CDK2: variants seen among roughly 807,000 people sequenced by gnomAD.
CDK2 encodes cyclin-dependent kinase 2.
A neutral mutation model predicts 35.0 loss-of-function variants in CDK2; 8 were observed. The ratio of observed to expected loss-of-function variants is 0.23; its 90% CI spans 0.13 to 0.41. The LOEUF (loss-of-function observed/expected upper bound fraction) is 0.41. Ranked by LOEUF, CDK2 falls within the 10% of genes least tolerant of loss-of-function variation. The pLI, the probability that CDK2 is intolerant of heterozygous loss-of-function variation, is 1.00. For missense variants in CDK2, 201 were observed against 367.1 expected (o/e 0.55, Z 3.70); for synonymous variants, 134 against 137.7 (o/e 0.97, Z 0.19).
intron 2 of CDK2, 36 bp from the exon 3 acceptor site, chr12:55,968,013 C>T (rs369071236): frequency 2.2e-5 from 36 of 1,613,860 alleles, no homozygotes; most frequent in Non-Finnish European, 3.0e-5. Context: ...TTCTCTCTCT[C>T]ACACACCTCC....
chr12:55,971,244 A>G lies in CDK2; in HGVS notation c.789A>G (p.Leu263=), dbSNP rs1207100180. 1.1e-5 allele frequency: 17 copies of G among 1,613,804 alleles called. No individual in the cohort carries two copies. Among genetic ancestry groups the G allele is most frequent in the Non-Finnish European group, 1.4e-5 (16 of 1,179,878 alleles). ...TGGATGAAGATGGACGGAGCTTGTT[A>G]TCGGTGAGAGTGGGCACCTGTTTTC... ...PPLDEDGRSL[L]SQMLHYDPNK... The change falls in exon 6 of 7, where the codon TTA becomes TTG. Residue 263 remains leucine (L), a synonymous_variant. Coordinates refer to ENST00000266970, the MANE Select transcript of CDK2 (RefSeq NM_001798.5).
Position 55,971,692 on chromosome 12 carries a change from C to CA in CDK2, c.*67_*68insA. On this transcript the variant is annotated 3_prime_UTR_variant, in exon 7 of 7. Transcript: ENST00000266970. ...CCAGTGTGGGCTTGACCAGGCTTGG[C>CA]CTTGGGCTATTTGGACTCAGGTGGG... 8.0e-7 allele frequency: 1 copy of CA among 1,252,348 alleles called. No individual in the cohort carries two copies. The highest frequency in any genetic ancestry group is 1.9e-4 in the Middle Eastern group (1 of 5,318). The allele number at this position is 1,252,348 out of a possible 1,614,324, so 77.6% of individuals were successfully genotyped here. A position where few individuals can be genotyped will look rare whatever the true frequency, so the allele number is the denominator to read the frequency against.
At chr12:55,968,455 C>T (rs2136458486) in intron 3 of CDK2, 2 of 480,736 alleles carry the variant, frequency 4.2e-6, no homozygotes, top group East Asian at 6.8e-5. Flanking sequence ...GTAAATTCCT[C>T]CAAAAAGCCC....
chr12:55,966,917 C>T lies in CDK2; in HGVS notation c.-92C>T. The T allele has an allele frequency of 9.2e-7, 1 of 1,090,512 alleles. No homozygotes were observed. Among genetic ancestry groups the T allele is most frequent in the Non-Finnish European group, 1.4e-6 (1 of 739,882 alleles). The allele number at this position is 1,090,512 out of a possible 1,614,324, so 67.6% of individuals were successfully genotyped here. A position where few individuals can be genotyped will look rare whatever the true frequency, so the allele number is the denominator to read the frequency against. ...GGCCACGGTACTGGGCCCTGTTTCCCCCTCCTCGGCCCCCGAGAGCCAGGG... is the reference window on the plus strand; with the variant it reads ...GGCCACGGTACTGGGCCCTGTTTCCTCCTCCTCGGCCCCCGAGAGCCAGGG... On this transcript the variant is annotated 5_prime_UTR_variant, in exon 1 of 7. Coordinates refer to ENST00000266970, the MANE Select transcript of CDK2 (RefSeq NM_001798.5).
Position 55,966,955 on chromosome 12 carries a change from A to C in CDK2, c.-54A>C. 7.1e-7 allele frequency: 1 copy of C among 1,405,304 alleles called. No individual in the cohort carries two copies. Among genetic ancestry groups the C allele is most frequent in the Non-Finnish European group, 9.9e-7 (1 of 1,010,320 alleles). 87.1% of individuals were successfully genotyped at this position (1,405,304 alleles called of 1,614,324 possible). A position where few individuals can be genotyped will look rare whatever the true frequency, so the allele number is the denominator to read the frequency against. On this transcript the variant is annotated 5_prime_UTR_variant, in exon 1 of 7. Transcript: ENST00000266970. ...CCGAGAGCCAGGGTCCGCCTTCTGC[A>C]GGGTTCCCAGGCCCCCGCTCCAGGG...
rs1477638252 is a variant in CDK2 at position 55,972,659 on chromosome 12, G to A, written c.*1034G>A. 7.6e-6 allele frequency: 1 copy of A among 131,610 alleles called. No homozygotes were observed. The highest frequency in any genetic ancestry group is 1.6e-5 in the Non-Finnish European group (1 of 61,450). 8.2% of individuals were successfully genotyped at this position (131,610 alleles called of 1,614,324 possible). ...CACCTTGGGGTTTTGTAATGACAGT[G>A]CTAAAAAAAAAAAGCATTTTTTTTT... On this transcript the variant is annotated 3_prime_UTR_variant, in exon 7 of 7. Transcript: ENST00000266970.
intron 1 of CDK2, 184 bp from the exon 2 acceptor site, chr12:55,967,673 C>T (rs748878509): frequency 3.3e-6 from 2 of 603,766 alleles, no homozygotes; most frequent in Non-Finnish European, 5.9e-6. Context: ...AGATAATGGC[C>T]TTAATATATC....
intron 3 of CDK2, 64 bp from the exon 4 acceptor site, chr12:55,968,714 A>G (rs1216417722): frequency 9.0e-6 from 12 of 1,337,400 alleles, no homozygotes; most frequent in Non-Finnish European, 1.1e-5. Flanking sequence ...TTTTAGGGGC[A>G]CAGAGCAAAC....
intron 5 of CDK2, 48 bp from the exon 6 acceptor site, chr12:55,970,996 G>T: frequency 1.3e-6 from 2 of 1,540,204 alleles, no homozygotes; most frequent in South Asian, 2.2e-5. Flanking sequence ...GGAGAGTTTT[G>T]ACTGACGTCA....
chr12:55,967,495 C>A (rs1358710491), intron 1 of CDK2: 2 of 427,490 alleles, frequency 4.7e-6, no homozygotes, highest in Non-Finnish European at 8.5e-6. Flanking sequence ...CTCTTCACTG[C>A]CCCACCCTCA....
At chr12:55,967,498 C>T in intron 1 of CDK2, 1 of 428,108 alleles carries the variant, frequency 2.3e-6, no homozygotes, top group Non-Finnish European at 4.3e-6. Context: ...TTCACTGCCC[C>T]ACCCTCACCT....
Position 55,967,126 on chromosome 12 carries a change from T to A in CDK2, c.116+2T>A, listed in dbSNP as rs1383557431. Reference sequence around the variant, plus strand: ...GCTTAAGAAAATCCGCCTGGACACGTGAGTGGCCTCTGTACCCGGGACTCC... The same window carrying A: ...GCTTAAGAAAATCCGCCTGGACACGAGAGTGGCCTCTGTACCCGGGACTCC... On this transcript the variant is annotated splice_donor_variant, in intron 1 of 6. Coordinates refer to ENST00000266970, the MANE Select transcript of CDK2 (RefSeq NM_001798.5). LOFTEE classifies it high-confidence loss of function. The A allele has an allele frequency of 1.9e-6, 3 of 1,604,678 alleles. No homozygotes were observed. The highest frequency in any genetic ancestry group is 2.6e-6 in the Non-Finnish European group (3 of 1,173,610).
Position 55,968,921 on chromosome 12 carries a change from A to G in CDK2, c.459A>G (p.Gly153=), listed in dbSNP as rs759358519. The change falls in exon 4 of 7, where the codon GGA becomes GGG. Residue 153 remains glycine (G), a synonymous_variant. Transcript: ENST00000266970. ...ACTTTGGACTAGCCAGAGCTTTTGG[A>G]GTCCCTGTTCGTACTTACACCCATG... is the stretch of plus-strand genomic sequence containing the variant. ...LADFGLARAF[G]VPVRTYTHEV... is the part of the protein sequence containing the mutation. 6.2e-7 allele frequency: 1 copy of G among 1,603,568 alleles called. No homozygotes were observed.
In CDK2 at chr12:55,968,880, G is replaced by T. The variant is rs1361639508; in HGVS notation, c.418G>T (p.Ala140Ser). The change falls in exon 4 of 7, where the codon GCC (alanine) becomes TCC (serine). Residue 140 changes from alanine (A) to serine (S), a missense_variant. Around this residue, in one of 5 missense-constraint regions of CDK2, gnomAD observed 47 missense variants for 59.5 expected, o/e 0.79. Coordinates refer to ENST00000266970, the MANE Select transcript of CDK2 (RefSeq NM_001798.5). ...GAATCTGCTTATTAACACAGAGGGG[G>T]CCATCAAGCTAGCAGACTTTGGACT... Reference protein sequence around the residue: ...PQNLLINTEGAIKLADFGLAR... With the variant: ...PQNLLINTEGSIKLADFGLAR... 8 of 1,611,392 alleles carry T rather than the reference G, an allele frequency of 5.0e-6. No individual in the cohort carries two copies. Among genetic ancestry groups the T allele is most frequent in the Non-Finnish European group, 6.8e-6 (8 of 1,179,022 alleles).
Position 55,971,126 on chromosome 12 carries a change from A to C in CDK2, c.671A>C (p.Glu224Ala), listed in dbSNP as rs750613840. The part of the protein sequence containing the change: ...RIFRTLGTPD[E>A]VVWPGVTSMP... The stretch of plus-strand genomic sequence containing the variant: ...TTTCGGACTCTGGGGACCCCAGATG[A>C]GGTGGTGTGGCCAGGAGTTACTTCT... Residue 224 changes from glutamate to alanine, a missense_variant, in exon 6 of 7, where the codon GAG (glutamate) becomes GCG (alanine). By Grantham distance (107) the Glu-to-Ala change is moderately radical. Around this residue, in one of 5 missense-constraint regions of CDK2, gnomAD observed 106 missense variants for 141.3 expected, o/e 0.75. Coordinates refer to ENST00000266970, the MANE Select transcript of CDK2 (RefSeq NM_001798.5). 4.3e-6 allele frequency: 7 copies of C among 1,614,028 alleles called. No homozygotes were observed. Among genetic ancestry groups the C allele is most frequent in the Non-Finnish European group, 5.9e-6 (7 of 1,179,974 alleles).
chr12:55,967,330 GA>G, intron 1 of CDK2: 1 of 558,800 alleles, frequency 1.8e-6, no homozygotes, highest in Non-Finnish European at 3.2e-6. Flanking sequence ...GGAATCCATG[GA>G]AAACTTTCTT....
chr12:55,967,142 C>A lies in CDK2; in HGVS notation c.116+18C>A. On this transcript the variant is annotated intron_variant, in intron 1 of 6. Coordinates refer to ENST00000266970, the MANE Select transcript of CDK2 (RefSeq NM_001798.5). ...CTGGACACGTGAGTGGCCTCTGTACCCGGGACTCCTAACTGGGGACCTCCT... is the reference window on the plus strand; with the variant it reads ...CTGGACACGTGAGTGGCCTCTGTACACGGGACTCCTAACTGGGGACCTCCT... 4 of 1,567,842 alleles carry A rather than the reference C, an allele frequency of 2.6e-6. No homozygotes were observed. Among genetic ancestry groups the A allele is most frequent in the Non-Finnish European group, 3.5e-6 (4 of 1,143,174 alleles).
At chr12:55,967,967 A>T (rs771630413) in intron 2 of CDK2, 33 bp downstream of exon 2, 1 of 1,613,074 alleles carries the variant, frequency 6.2e-7, no homozygotes, top group East Asian at 2.2e-5. Flanking sequence ...ATCCAGCTGG[A>T]AAGGAGGATA....
At position 55,968,937 on chromosome 12, in the gene CDK2, TAC is replaced by T; in HGVS notation, c.478_479del (p.Thr160ProfsTer2). ...ARAFGVPVRT[Y>X]THEVVTLWYR... ...AGCTTTTGGAGTCCCTGTTCGTACT[TAC>T]ACCCATGAGGTGAGTCCCTTTATGT... On this transcript the variant is annotated frameshift_variant, in exon 4 of 7. Coordinates refer to ENST00000266970, the MANE Select transcript of CDK2 (RefSeq NM_001798.5). LOFTEE classifies it high-confidence loss of function. 1 of 1,598,480 alleles carries T rather than the reference TAC, an allele frequency of 6.3e-7. No homozygotes were observed. The highest frequency in any genetic ancestry group is 8.5e-7 in the Non-Finnish European group (1 of 1,173,626).
Sources: allele counts gnomAD v4.1 joint callset, GRCh38; gene constraint gnomAD v4.1.1; regional missense constraint gnomAD v4.1.1; transcripts MANE v1.5; gene names NCBI Gene and HGNC (gene_info 2026-07-23, HGNC 2026-07-21).